TMPRSS11A: variants seen among roughly 807,000 people sequenced by gnomAD.
TMPRSS11A encodes transmembrane protease serine 11A.
In TMPRSS11A, 53 loss-of-function variants were observed where a neutral mutation model predicts 58.9. The ratio of observed to expected loss-of-function variants is 0.90; its 90% CI spans 0.72 to 1.13. TMPRSS11A has a LOEUF of 1.13. Ranked by LOEUF, TMPRSS11A falls within the 50% of genes most tolerant of loss-of-function variation. TMPRSS11A has a pLI of 0.00. For synonymous variants in TMPRSS11A, 167 were observed against 169.8 expected, an observed-to-expected ratio of 0.98 and a Z score of 0.13; for missense variants, 493 against 499.3, an observed-to-expected ratio of 0.99 and a Z score of 0.12.
At position 67,909,853 on chromosome 4, in the gene TMPRSS11A, G is replaced by T. The variant is rs1719921658; in HGVS notation, c.*1489C>A. 6.6e-6 allele frequency: 1 copy of T among 152,004 alleles called. No individual in the cohort carries two copies. Among genetic ancestry groups the T allele is most frequent in the Admixed American group, 6.6e-5 (1 of 15,264 alleles). 9.4% of individuals were successfully genotyped at this position (152,004 alleles called of 1,614,324 possible). A position where few individuals can be genotyped will look rare whatever the true frequency, so the allele number is the denominator to read the frequency against. ...CTATGTGACATGCAATCTCTTCTCA[G>T]CTTTAAAATTCTATGAGTCTAAATT... is the stretch of plus-strand genomic sequence containing the variant. On this transcript the variant is annotated 3_prime_UTR_variant, in exon 10 of 10. Transcript: ENST00000508048.
intron 5 of TMPRSS11A, among the ~76,000 whole-genome samples, chr4:67,926,709 G>A (rs917214191): frequency 6.6e-6 from 1 of 152,182 alleles, no homozygotes; most frequent in Non-Finnish European, 1.5e-5. Flanking sequence ...ATCCCTGGGA[G>A]CCCCCCAGAG....
chr4:67,925,542 G>A (rs753053975), intron 5 of TMPRSS11A, among the ~76,000 whole-genome samples: 3 of 152,086 alleles, frequency 2.0e-5, no homozygotes, highest in Non-Finnish European at 4.4e-5. Flanking sequence ...CTACAAAGTG[G>A]GAGCTTTTGA....
At chr4:67,954,245 G>A (rs1266327131) in intron 1 of TMPRSS11A, among the ~76,000 whole-genome samples, 1 of 152,232 alleles carries the variant, frequency 6.6e-6, no homozygotes, top group Non-Finnish European at 1.5e-5. Flanking sequence ...TCAGGAGATT[G>A]AGGCTGAAGG....
At chr4:67,916,036 T>A (rs2109734019) in intron 8 of TMPRSS11A, among the ~76,000 whole-genome samples, 1 of 152,284 alleles carries the variant, frequency 6.6e-6, no homozygotes, top group Non-Finnish European at 1.5e-5. Flanking sequence ...TTGACCAGCA[T>A]CTCCCTAACT....
chr4:67,952,197 GAATAACTTGCTCTGAGAGAGC>G (rs1167516497), intron 1 of TMPRSS11A, among the ~76,000 whole-genome samples: 4 of 152,172 alleles, frequency 2.6e-5, no homozygotes, highest in African/African-American at 7.2e-5. Context: ...TTTTATAGGT[GAATAACTTGCTCTGAGAGAGC>G]AATAACTTGC....
rs2109737132 is a variant in TMPRSS11A at position 67,919,087 on chromosome 4, A to G, written c.838T>C (p.Ser280Pro). Reference protein sequence around the residue: ...EYDIAVVQVSSRVTFSDDIRQ... With the variant: ...EYDIAVVQVSPRVTFSDDIRQ... ...ATGTCATCCGAAAAGGTGACTCTGG[A>G]AGAGACCTGCACAACAGCAATGTCG... Residue 280 changes from serine to proline, a missense_variant, in exon 8 of 10, where the codon TCC becomes CCC. Physicochemically the swap from Ser to Pro is moderately conservative, Grantham distance 74. Coordinates refer to ENST00000508048, the MANE Select transcript of TMPRSS11A (RefSeq NM_001114387.2). 6.2e-7 allele frequency: 1 copy of G among 1,614,170 alleles called. No homozygotes were observed. The highest frequency in any genetic ancestry group is 8.5e-7 in the Non-Finnish European group (1 of 1,180,022).
chr4:67,960,342 AAAAG>A (rs1335116954), intron 1 of TMPRSS11A, among the ~76,000 whole-genome samples: 2 of 152,218 alleles, frequency 1.3e-5, no homozygotes, highest in African/African-American at 4.8e-5. Flanking sequence ...GAAATTACTA[AAAAG>A]AAAGAAAGAA....
At chr4:67,961,482 CCTTTTT>C (rs1721419367) in intron 1 of TMPRSS11A, among the ~76,000 whole-genome samples, 22 of 102,414 alleles carry the variant, frequency 2.1e-4, no homozygotes, top group African/African-American at 9.1e-4. Context: ...CTTTTCTTTT[CCTTTTT>C]TTTTTTTTTT....
intron 8 of TMPRSS11A, among the ~76,000 whole-genome samples, chr4:67,917,126 A>G (rs762856068): frequency 6.6e-6 from 1 of 151,542 alleles, no homozygotes; most frequent in Non-Finnish European, 1.5e-5. Flanking sequence ...AATTTTATTC[A>G]TTTCTATTCT....
At chr4:67,937,686 T>C (rs574766237) in intron 3 of TMPRSS11A, among the ~76,000 whole-genome samples, 2 of 152,194 alleles carry the variant, frequency 1.3e-5, no homozygotes, top group East Asian at 3.9e-4. Flanking sequence ...TTCCTTGTGG[T>C]GTTACATCCA....
intron 1 of TMPRSS11A, among the ~76,000 whole-genome samples, chr4:67,959,997 G>A (rs1721385965): frequency 6.6e-6 from 1 of 152,148 alleles, no homozygotes; most frequent in African/African-American, 2.4e-5. Context: ...TGTAAAAAAT[G>A]TATGTCCTTT....
At chr4:67,939,581 T>A (rs1378700712) in intron 3 of TMPRSS11A, among the ~76,000 whole-genome samples, 1 of 152,204 alleles carries the variant, frequency 6.6e-6, no homozygotes, top group African/African-American at 2.4e-5. Context: ...TATTTTGAAG[T>A]ATGTTTCTTC....
At chr4:67,959,275 C>T (rs1199189810) in intron 1 of TMPRSS11A, among the ~76,000 whole-genome samples, 1 of 151,910 alleles carries the variant, frequency 6.6e-6, no homozygotes, top group African/African-American at 2.4e-5. Context: ...TAGGAAATAA[C>T]CTTCTTAACA....
intron 3 of TMPRSS11A, among the ~76,000 whole-genome samples, chr4:67,936,800 A>G (rs1411882779): frequency 6.6e-6 from 1 of 152,240 alleles, no homozygotes; most frequent in Non-Finnish European, 1.5e-5. Flanking sequence ...TATAGAATTT[A>G]AAGATTTGCA....
At chr4:67,927,700 C>A (rs1227985379) in intron 5 of TMPRSS11A, among the ~76,000 whole-genome samples, 1 of 152,194 alleles carries the variant, frequency 6.6e-6, no homozygotes, top group African/African-American at 2.4e-5. Flanking sequence ...AAGCAACACC[C>A]CCTAGGCTCC....
intron 5 of TMPRSS11A, among the ~76,000 whole-genome samples, chr4:67,927,653 G>A (rs982917242): frequency 2.6e-5 from 4 of 152,198 alleles, no homozygotes; most frequent in Admixed American, 2.6e-4. Context: ...CTTGGGCAAA[G>A]GCACCAACCA....
At chr4:67,945,099 G>A (rs1324457064) in intron 2 of TMPRSS11A, among the ~76,000 whole-genome samples, 1 of 152,146 alleles carries the variant, frequency 6.6e-6, no homozygotes, top group African/African-American at 2.4e-5. Flanking sequence ...ATGTCCTTGT[G>A]AATTTTGATT....
At chr4:67,930,829 T>TTTTC (rs1265700805) in intron 4 of TMPRSS11A, among the ~76,000 whole-genome samples, 2 of 90,156 alleles carry the variant, frequency 2.2e-5, no homozygotes, top group African/African-American at 4.7e-5. Flanking sequence ...TTTTTTTTTT[T>TTTTC]ACAAAAAAAA....
intron 5 of TMPRSS11A, among the ~76,000 whole-genome samples, chr4:67,928,905 T>A (rs1248886458): frequency 6.6e-6 from 1 of 152,200 alleles, no homozygotes. Context: ...AATCTATACT[T>A]GTCTGTTGGA....
Sources: allele counts gnomAD v4.1 joint callset (sites outside exome capture counted in the v4.1 genomes callset), GRCh38; gene constraint gnomAD v4.1.1; transcripts MANE v1.5; gene names NCBI Gene and HGNC (gene_info 2026-07-23, HGNC 2026-07-21).